The following ABCB11 variants were observed in gnomAD, a reference collection of about 807,000 sequenced individuals.
ABCB11 encodes the protein bile salt export pump.
ABCB11 carries 95 observed loss-of-function variants against 148.0 expected under a neutral mutation model. The ratio of observed to expected loss-of-function variants is 0.64; its 90% CI spans 0.54 to 0.76. The LOEUF (loss-of-function observed/expected upper bound fraction) is 0.76. Ranked by LOEUF, ABCB11 falls within the 30% of genes least tolerant of loss-of-function variation. ABCB11 has a pLI of 0.00. For synonymous variants in ABCB11, 591 were observed against 555.4 expected (o/e 1.06, Z -0.90); for missense variants, 1,523 against 1,617.8 (o/e 0.94, Z 1.01).
At chr2:169,007,349 A>T (rs576836328) in intron 5 of ABCB11, among the ~76,000 whole-genome samples, 1 of 152,346 alleles carries the variant, frequency 6.6e-6, no homozygotes, top group Admixed American at 6.5e-5. Context: ...AAATTTACTC[A>T]AAGTGGATCG....
chr2:168,971,756 G>A (rs1693585229), intron 14 of ABCB11, 91 bp downstream of exon 14: 2 of 1,196,450 alleles, frequency 1.7e-6, no homozygotes, highest in Non-Finnish European at 2.4e-6. Flanking sequence ...AATGACTTGG[G>A]AATCATACGA....
Position 168,993,025 on chromosome 2 carries a change from G to A in ABCB11, c.783+686C>T, listed in dbSNP as rs79145585. On this transcript the variant is annotated intron_variant, in intron 8 of 27. Transcript: ENST00000650372. ...CCTTGGGAGTGTTTTTAGCTGATGT[G>A]ACCCGAAATTCCTATTCCTATATGT... Among the ~76,000 whole-genome samples the A allele has an allele frequency of 5.8e-3, 883 of 152,004 alleles. 13 individuals are homozygous for A. The highest frequency in any genetic ancestry group is 0.02 in the African/African-American group (837 of 41,484).
chr2:168,956,117 A>G (rs770954745), intron 19 of ABCB11, among the ~76,000 whole-genome samples: 1 of 151,718 alleles, frequency 6.6e-6, no homozygotes, highest in Non-Finnish European at 1.5e-5. Flanking sequence ...GAAGCAAGGC[A>G]TGTCTTCACA....
At chr2:168,940,029 C>G (rs1256261887) in intron 21 of ABCB11, among the ~76,000 whole-genome samples, 1 of 152,014 alleles carries the variant, frequency 6.6e-6, no homozygotes, top group Non-Finnish European at 1.5e-5. Context: ...GTCATTCTGT[C>G]TCTCTCTCTT....
chr2:168,992,893 T>G (rs919129160), intron 8 of ABCB11, among the ~76,000 whole-genome samples: 4 of 152,086 alleles, frequency 2.6e-5, no homozygotes, highest in African/African-American at 9.7e-5. Context: ...TGTGAGGGTG[T>G]ATGCAGTTTT....
At chr2:169,023,175 A>G (rs564062227) in intron 1 of ABCB11, among the ~76,000 whole-genome samples, 1 of 152,340 alleles carries the variant, frequency 6.6e-6, no homozygotes, top group South Asian at 2.1e-4. Flanking sequence ...AAGGCTAAAC[A>G]TGTTAATACC....
At chr2:168,992,867 C>G (rs1330054717) in intron 8 of ABCB11, among the ~76,000 whole-genome samples, 1 of 151,960 alleles carries the variant, frequency 6.6e-6, no homozygotes, top group Non-Finnish European at 1.5e-5. Context: ...AAGTTGGTAC[C>G]TATTGCTCAA....
At chr2:168,924,180 T>C (rs149229947) in intron 27 of ABCB11, among the ~76,000 whole-genome samples, 2 of 152,208 alleles carry the variant, frequency 1.3e-5, no homozygotes, top group African/African-American at 4.8e-5. Flanking sequence ...ATTTTAGCTC[T>C]CTCCAAAATG....
Position 168,973,567 on chromosome 2 carries a change from G to C in ABCB11, c.1434+148C>G, listed in dbSNP as rs567378656. ...TGAACACTGTTACCATGTAGGAAGCGTGTCCCATCAATTCAGTAACAAATC... is the reference window on the plus strand; with the variant it reads ...TGAACACTGTTACCATGTAGGAAGCCTGTCCCATCAATTCAGTAACAAATC... On this transcript the variant is annotated intron_variant, in intron 13 of 27. Coordinates refer to ENST00000650372, the MANE Select transcript of ABCB11 (RefSeq NM_003742.4). The C allele has an allele frequency of 6.3e-6, 6 of 951,998 alleles. No individual in the cohort carries two copies. The African/African-American group carries it at 9.9e-5, about 16-fold the overall frequency. 59.0% of individuals were successfully genotyped at this position (951,998 alleles called of 1,614,324 possible).
intron 10 of ABCB11, among the ~76,000 whole-genome samples, chr2:168,980,546 A>T (rs964386323): frequency 1.3e-5 from 2 of 152,174 alleles, no homozygotes; most frequent in Non-Finnish European, 2.9e-5. Context: ...TAAGTGTTTT[A>T]TCTGTATTAT....
intron 11 of ABCB11, among the ~76,000 whole-genome samples, chr2:168,977,719 T>C (rs2105979654): frequency 6.6e-6 from 1 of 152,216 alleles, no homozygotes; most frequent in Middle Eastern, 3.4e-3. Flanking sequence ...CTTACAACCA[T>C]GGTTGAAGGC....
chr2:168,972,710 G>GCATATAGTATATGCATACAT (rs1185736996), intron 13 of ABCB11, among the ~76,000 whole-genome samples: 3 of 152,024 alleles, frequency 2.0e-5, no homozygotes, highest in Non-Finnish European at 4.4e-5. Context: ...CTATATGCAT[G>GCATATAGTATATGCATACAT]ATAGAGAACT....
rs760720738 is a variant in ABCB11 at position 168,996,651 on chromosome 2, A to G, written c.461T>C (p.Ile154Thr). 6.4e-7 allele frequency: 1 copy of G among 1,558,004 alleles called. No homozygotes were observed. The highest frequency in any genetic ancestry group is 1.8e-5 in the Admixed American group (1 of 54,936). The change falls in exon 6 of 28, where the codon ATC becomes ACC. Residue 154 changes from isoleucine (I) to threonine (T), a missense_variant. Transcript: ENST00000650372. ...GCTACTAACTTGAATATATCCTGTG[A>G]TAAGTACTGCGACAGCAATTCCAGC... Reference protein sequence around the residue: ...YYAGIAVAVLITGYIQICFWV... With the variant: ...YYAGIAVAVLTTGYIQICFWV...
intron 19 of ABCB11, among the ~76,000 whole-genome samples, chr2:168,956,685 C>T (rs376866323): frequency 1.7e-4 from 26 of 151,610 alleles, no homozygotes; most frequent in Admixed American, 1.2e-3. Context: ...TTGTATATTC[C>T]TGGTATCTAG....
intron 19 of ABCB11, among the ~76,000 whole-genome samples, chr2:168,955,134 A>G (rs1026520395): frequency 1.8e-4 from 28 of 151,648 alleles, no homozygotes; most frequent in African/African-American, 6.8e-4. Context: ...TCCTTGGTAA[A>G]TTTCTCATTC....
At chr2:169,005,747 T>A (rs1427878676) in intron 5 of ABCB11, among the ~76,000 whole-genome samples, 1 of 152,216 alleles carries the variant, frequency 6.6e-6, no homozygotes, top group Non-Finnish European at 1.5e-5. Context: ...GTAGTAAATA[T>A]GTTAATTAGC....
intron 19 of ABCB11, among the ~76,000 whole-genome samples, chr2:168,951,069 A>T: frequency 6.6e-6 from 1 of 151,556 alleles, no homozygotes; most frequent in Non-Finnish European, 1.5e-5. Flanking sequence ...TGACTTTTTC[A>T]AAGATAACTT....
At chr2:168,991,074 C>T (rs1382308425) in intron 8 of ABCB11, 149 bp from the exon 9 acceptor site, 1 of 1,030,084 alleles carries the variant, frequency 9.7e-7, no homozygotes, top group Non-Finnish European at 1.4e-6. Flanking sequence ...GAAATCTGGT[C>T]CAAATTTGGT....
intron 3 of ABCB11, 69 bp from the exon 4 acceptor site, chr2:169,014,423 T>C (rs1695292274): frequency 7.7e-6 from 11 of 1,434,018 alleles, no homozygotes; most frequent in Non-Finnish European, 1.1e-5. Context: ...CCCTAGGTGG[T>C]GATTTTATGA....
Sources: allele counts gnomAD v4.1 joint callset (sites outside exome capture counted in the v4.1 genomes callset), GRCh38; gene constraint gnomAD v4.1.1; transcripts MANE v1.5; gene names NCBI Gene and HGNC (gene_info 2026-07-23, HGNC 2026-07-21).